CLCN3: variants seen among roughly 807,000 people sequenced by gnomAD.
CLCN3 encodes H(+)/Cl(-) exchange transporter 3.
CLCN3 carries 16 observed loss-of-function variants against 83.4 expected under a neutral mutation model. That is an observed-to-expected ratio of 0.19 (90% CI 0.13 to 0.29). The LOEUF (loss-of-function observed/expected upper bound fraction) is 0.29, where lower values mean the gene tolerates loss of function less well. CLCN3 is among the 10% of genes least tolerant of loss of function. The pLI, the probability that CLCN3 is intolerant of heterozygous loss-of-function variation, is 1.00. For synonymous variants in CLCN3, 322 were observed against 346.2 expected (o/e 0.93, Z 0.78); for missense variants, 544 against 1,006.0 (o/e 0.54, Z 6.21).
At chr4:169,636,739 T>TTG (rs1773513850) in intron 2 of CLCN3, among the ~76,000 whole-genome samples, 2 of 151,568 alleles carry the variant, frequency 1.3e-5, no homozygotes, top group African/African-American at 4.8e-5. Flanking sequence ...TATTTGGTTT[T>TTG]TTTTTTTTTT....
chr4:169,714,890 A>G (rs1377853549), intron 12 of CLCN3, among the ~76,000 whole-genome samples: 1 of 152,104 alleles, frequency 6.6e-6, no homozygotes, highest in Non-Finnish European at 1.5e-5. Flanking sequence ...TCTTTGTGTA[A>G]TATTGTTTGA....
At chr4:169,659,712 T>C (rs1164112434) in intron 2 of CLCN3, among the ~76,000 whole-genome samples, 4 of 151,628 alleles carry the variant, frequency 2.6e-5, no homozygotes, top group African/African-American at 9.7e-5. Flanking sequence ...GGCTGCTGTA[T>C]TATAGAGTAT....
At chr4:169,703,581 G>A (rs574699587) in intron 9 of CLCN3, among the ~76,000 whole-genome samples, 52 of 151,910 alleles carry the variant, frequency 3.4e-4, no homozygotes, top group African/African-American at 1.2e-3. Flanking sequence ...TTTTGGTTAC[G>A]TGGATGAATT....
intron 7 of CLCN3, among the ~76,000 whole-genome samples, chr4:169,693,172 A>G (rs1581257355): frequency 6.6e-6 from 1 of 152,184 alleles, no homozygotes; most frequent in Non-Finnish European, 1.5e-5. Flanking sequence ...AAAGTAGAAT[A>G]TTTTATCAAA....
At chr4:169,659,945 A>C (rs1446110979) in intron 2 of CLCN3, 1 of 624,232 alleles carries the variant, frequency 1.6e-6, no homozygotes, top group African/African-American at 2.0e-5. Context: ...TCTCTGTATT[A>C]CTTTTTCCCC....
chr4:169,700,084 C>T (rs961431928), intron 9 of CLCN3, among the ~76,000 whole-genome samples: 4 of 152,148 alleles, frequency 2.6e-5, no homozygotes, highest in African/African-American at 9.7e-5. Flanking sequence ...TAAGTCCCAC[C>T]TTTGACTCAG....
chr4:169,651,840 C>G (rs764612378), intron 2 of CLCN3, among the ~76,000 whole-genome samples: 15 of 152,046 alleles, frequency 9.9e-5, no homozygotes, highest in Non-Finnish European at 1.9e-4. Context: ...TTCTGAAATA[C>G]AGAGGAAATT....
intron 1 of CLCN3, among the ~76,000 whole-genome samples, chr4:169,622,305 T>G (rs2150193574): frequency 6.6e-6 from 1 of 152,318 alleles, no homozygotes; most frequent in South Asian, 2.1e-4. Context: ...ACAGATTTGT[T>G]GATGTTGTGG....
At chr4:169,712,993 T>G in intron 11 of CLCN3, 86 bp from the exon 12 acceptor site, 1 of 945,652 alleles carries the variant, frequency 1.1e-6, no homozygotes, top group Non-Finnish European at 1.7e-6. Flanking sequence ...ATAGGATACA[T>G]TAATTTTTTT....
At chr4:169,637,861 C>G (rs1730274352) in intron 2 of CLCN3, among the ~76,000 whole-genome samples, 1 of 152,092 alleles carries the variant, frequency 6.6e-6, no homozygotes, top group Non-Finnish European at 1.5e-5. Flanking sequence ...TTTGCTTTTT[C>G]TAATGTACTA....
intron 3 of CLCN3, among the ~76,000 whole-genome samples, chr4:169,683,010 A>G (rs919252123): frequency 4.6e-5 from 7 of 152,162 alleles, no homozygotes; most frequent in Admixed American, 1.3e-4. Flanking sequence ...TTTTAATCCA[A>G]AGTGCCTAGA....
intron 8 of CLCN3, 106 bp from the exon 9 acceptor site, chr4:169,697,083 T>C (rs1732592410): frequency 1.2e-6 from 1 of 800,374 alleles, no homozygotes; most frequent in Non-Finnish European, 1.9e-6. Context: ...AAATTCTAAC[T>C]ACAGCAAAAT....
At chr4:169,636,247 C>G (rs1773499391) in intron 2 of CLCN3, among the ~76,000 whole-genome samples, 159 bp downstream of exon 2, 1 of 152,136 alleles carries the variant, frequency 6.6e-6, no homozygotes, top group Admixed American at 6.5e-5. Flanking sequence ...AACTGAGTGG[C>G]ATTTAGCAGG....
At chr4:169,712,152 C>T (rs1183335402) in intron 11 of CLCN3, among the ~76,000 whole-genome samples, 1 of 151,954 alleles carries the variant, frequency 6.6e-6, no homozygotes, top group Non-Finnish European at 1.5e-5. Flanking sequence ...CCTGAGCCAC[C>T]ATGGCCGGCC....
At chr4:169,623,140 CTATTTCTTGT>C (rs1300805504) in intron 1 of CLCN3, among the ~76,000 whole-genome samples, 4 of 152,154 alleles carry the variant, frequency 2.6e-5, no homozygotes, top group African/African-American at 9.7e-5. Context: ...ATATTTCTTG[CTATTTCTTGT>C]GAGAAATAAT....
At chr4:169,632,499 G>A (rs780878177) in intron 1 of CLCN3, among the ~76,000 whole-genome samples, 1 of 152,038 alleles carries the variant, frequency 6.6e-6, no homozygotes, top group Non-Finnish European at 1.5e-5. Flanking sequence ...GGAGGCCGAG[G>A]CGGGCGGATC....
chr4:169,665,739 G>T (rs1281448128), intron 2 of CLCN3, among the ~76,000 whole-genome samples: 1 of 152,164 alleles, frequency 6.6e-6, no homozygotes, highest in African/African-American at 2.4e-5. Context: ...TATGTTTTAT[G>T]TGTGTCTTAT....
At chr4:169,639,771 A>G (rs192448532) in intron 2 of CLCN3, among the ~76,000 whole-genome samples, 1 of 152,302 alleles carries the variant, frequency 6.6e-6, no homozygotes, top group East Asian at 1.9e-4. Flanking sequence ...AGTGGTTAGT[A>G]AGTCAAGCAG....
At chr4:169,681,748 A>G (rs1731948398) in intron 3 of CLCN3, among the ~76,000 whole-genome samples, 1 of 152,242 alleles carries the variant, frequency 6.6e-6, no homozygotes. Flanking sequence ...AACAAAACCC[A>G]TTACATGTTG....
Sources: allele counts gnomAD v4.1 joint callset (sites outside exome capture counted in the v4.1 genomes callset), GRCh38; gene constraint gnomAD v4.1.1; transcripts MANE v1.5; gene names NCBI Gene and HGNC (gene_info 2026-07-23, HGNC 2026-07-21).